Variants in ADGRV1 observed in about 807,000 individuals in gnomAD.
ADGRV1 encodes adhesion G protein-coupled receptor V1.
Under a neutral mutation model 596.2 loss-of-function variants are expected in ADGRV1, and 359 were observed. That is an observed-to-expected ratio of 0.60 (90% confidence interval 0.55 to 0.66). The LOEUF is 0.66. Among genes scored for constraint, ADGRV1 ranks in the 30% least tolerant of loss-of-function variants. The pLI, the probability that ADGRV1 is intolerant of heterozygous loss-of-function variation, is 0.00. For missense variants in ADGRV1, 7,274 were observed against 7,575.6 expected (o/e 0.96, Z 1.48); for synonymous variants, 2,681 against 2,679.2 (o/e 1.00, Z -0.02).
intron 83 of ADGRV1, among the ~76,000 whole-genome samples, chr5:90,898,180 A>G (rs543401585): frequency 6.6e-6 from 1 of 152,304 alleles, no homozygotes; most frequent in African/African-American, 2.4e-5. Flanking sequence ...ATGAAGTGTA[A>G]TATGAATTGC....
At chr5:90,765,954 G>C (rs1757075320) in intron 59 of ADGRV1, among the ~76,000 whole-genome samples, 1 of 151,408 alleles carries the variant, frequency 6.6e-6, no homozygotes, top group Non-Finnish European at 1.5e-5. Flanking sequence ...CTGTCACCCA[G>C]GCTGGAGTGC....
chr5:90,832,341 T>C (rs1298536252), intron 77 of ADGRV1, among the ~76,000 whole-genome samples: 1 of 152,202 alleles, frequency 6.6e-6, no homozygotes, highest in Admixed American at 6.5e-5. Flanking sequence ...TTTGCATTTC[T>C]TTCATGATTA....
intron 83 of ADGRV1, among the ~76,000 whole-genome samples, chr5:90,906,091 A>G (rs1229552607): frequency 6.6e-6 from 1 of 152,074 alleles, no homozygotes; most frequent in African/African-American, 2.4e-5. Flanking sequence ...CTTGACCATG[A>G]TGAATAATGT....
intron 87 of ADGRV1, among the ~76,000 whole-genome samples, chr5:91,109,162 C>T (rs776536391): frequency 3.3e-5 from 5 of 152,240 alleles, no homozygotes; most frequent in Middle Eastern, 3.4e-3. Context: ...CTTCTTTAAA[C>T]GATAAGGACT....
At chr5:90,680,530 G>A (rs1290299003) in intron 26 of ADGRV1, among the ~76,000 whole-genome samples, 1 of 152,030 alleles carries the variant, frequency 6.6e-6, no homozygotes, top group East Asian at 1.9e-4. Flanking sequence ...TATATGAAAA[G>A]CATACTTAGA....
chr5:91,046,946 C>G (rs1282166250), intron 85 of ADGRV1, among the ~76,000 whole-genome samples: 1 of 152,124 alleles, frequency 6.6e-6, no homozygotes, highest in East Asian at 1.9e-4. Flanking sequence ...CCGGGAAATG[C>G]AAACCAAAAC....
chr5:91,040,527 A>G (rs1785252258), intron 85 of ADGRV1, among the ~76,000 whole-genome samples: 1 of 152,184 alleles, frequency 6.6e-6, no homozygotes, highest in Non-Finnish European at 1.5e-5. Flanking sequence ...TGTTAATTAT[A>G]TATGTTTGGA....
chr5:90,703,900 C>T lies in ADGRV1; in HGVS notation c.8286+105C>T, dbSNP rs142360118. ...ACTATTGTAGTTATTATCTTTCTCT[C>T]TTCTCCAGACCTACTTCGTATGAAT... On this transcript the variant is annotated intron_variant, in intron 35 of 89. Coordinates refer to ENST00000405460, the MANE Select transcript of ADGRV1 (RefSeq NM_032119.4). The T allele has an allele frequency of 4.4e-4, 338 of 772,940 alleles. 1 individual carries two copies. The African/African-American group carries it at 4.7e-3, about 11-fold the overall frequency. The allele number at this position is 772,940 out of a possible 1,614,324, so 47.9% of individuals were successfully genotyped here. A position where few individuals can be genotyped will look rare whatever the true frequency, so the allele number is the denominator to read the frequency against.
intron 83 of ADGRV1, among the ~76,000 whole-genome samples, chr5:90,879,974 T>A (rs1288861364): frequency 1.3e-5 from 2 of 151,896 alleles, no homozygotes; most frequent in African/African-American, 4.8e-5. Flanking sequence ...TAATAATAAT[T>A]AATAATTATT....
chr5:90,720,309 G>C, intron 44 of ADGRV1, 86 bp downstream of exon 44: 1 of 871,256 alleles, frequency 1.1e-6, no homozygotes, highest in Non-Finnish European at 1.7e-6. Context: ...GAAGGAAATT[G>C]ATATCTGATT....
At position 90,711,010 on chromosome 5, in the gene ADGRV1, A is replaced by G; in HGVS notation, c.8854A>G (p.Ile2952Val). 6.2e-7 allele frequency: 1 copy of G among 1,610,976 alleles called. No homozygotes were observed. Among genetic ancestry groups the G allele is most frequent in the Non-Finnish European group, 8.5e-7 (1 of 1,178,042 alleles). The change falls in exon 40 of 90, where the codon ATT (isoleucine) becomes GTT (valine). Residue 2952 changes from isoleucine (I) to valine (V), a missense_variant. Ile to Val is a conservative substitution (Grantham distance 29). Transcript: ENST00000405460. ...DSEGLTAQVI[I>V]DANDGARGVI... ...AGAAGGTTTGACTGCACAAGTTATT[A>G]TTGATGCCAATGATGGGGCCCGAGG...
intron 75 of ADGRV1, among the ~76,000 whole-genome samples, chr5:90,817,868 TTTGGCTTAGGATTGCC>T (rs1264671206): frequency 6.6e-6 from 1 of 152,180 alleles, no homozygotes; most frequent in Non-Finnish European, 1.5e-5. Context: ...GCTTTGTTCT[TTTGGCTTAGGATTGCC>T]TTGGCGATGC....
At chr5:90,847,662 G>A (rs571009717) in intron 78 of ADGRV1, among the ~76,000 whole-genome samples, 16 of 152,308 alleles carry the variant, frequency 1.1e-4, no homozygotes, top group African/African-American at 3.1e-4. Flanking sequence ...GCCCTGCCCC[G>A]CAGGGAGGCA....
At chr5:90,844,001 G>C (rs1765651938) in intron 78 of ADGRV1, among the ~76,000 whole-genome samples, 1 of 152,184 alleles carries the variant, frequency 6.6e-6, no homozygotes, top group South Asian at 2.1e-4. Flanking sequence ...GGAATGCTCA[G>C]TTAAGTTTGA....
In ADGRV1 at chr5:90,745,748, A is replaced by G. The variant is rs778499194; in HGVS notation, c.10927A>G (p.Thr3643Ala). 14 of 1,612,238 alleles carry G rather than the reference A, an allele frequency of 8.7e-6. No homozygotes were observed. The highest frequency in any genetic ancestry group is 1.1e-5 in the Non-Finnish European group (13 of 1,178,940). Residue 3643 changes from threonine (T) to alanine (A), a missense_variant, in exon 52 of 90, where the codon ACC becomes GCC. Physicochemically the swap from Thr to Ala is moderately conservative, Grantham distance 58. Transcript: ENST00000405460. ...TGGCATTAATGATTCTGTAACAATA[A>G]CCATTCTGTCTAATGATGATGCCTA... ...EIGINDSVTI[T>A]ILSNDDAYGI...
intron 86 of ADGRV1, 80 bp from the exon 87 acceptor site, chr5:91,102,139 A>G: frequency 7.2e-7 from 1 of 1,392,336 alleles, no homozygotes; most frequent in Non-Finnish European, 9.7e-7. Context: ...AATACCACAG[A>G]AAGAAGCCAA....
At chr5:90,641,596 T>G (rs993827472) in intron 11 of ADGRV1, among the ~76,000 whole-genome samples, 1 of 152,208 alleles carries the variant, frequency 6.6e-6, no homozygotes, top group Non-Finnish European at 1.5e-5. Flanking sequence ...GACTATTCTG[T>G]GGCCACTAGC....
intron 37 of ADGRV1, 133 bp from the exon 38 acceptor site, chr5:90,706,098 G>A: frequency 1.5e-6 from 1 of 657,422 alleles, no homozygotes; most frequent in Non-Finnish European, 2.5e-6. Context: ...TATGGATATA[G>A]GAAGGGGTGA....
chr5:90,811,092 G>T lies in ADGRV1; in HGVS notation c.15832G>T (p.Gly5278Cys), dbSNP rs201349209. 60 of 1,613,722 alleles carry T rather than the reference G, an allele frequency of 3.7e-5. 1 individual carries two copies. The South Asian group carries it at 5.6e-4, about 15-fold the overall frequency. The part of the protein sequence containing the change: ...QMEPNALPFR[G>C]IYGISNLTWA... ...GGAACCAAATGCATTGCCCTTTCGT[G>T]GTATCTATGGGATTTCCAACCTAAC... The change falls in exon 74 of 90, where the codon GGT becomes TGT. Residue 5278 changes from glycine to cysteine, a missense_variant. Physicochemically the swap from Gly to Cys is radical, Grantham distance 159 (BLOSUM62 -3). This residue lies in a region of ADGRV1 where 1,874 missense variants were observed against 1,970.2 expected (regional missense o/e 0.95). Transcript: ENST00000405460.
Sources: gnomAD v4.1 joint callset for allele counts (sites outside exome capture counted in the v4.1 genomes callset) on GRCh38, gnomAD v4.1.1 for gene constraint, gnomAD v4.1.1 regional missense constraint, MANE v1.5 for transcripts, NCBI Gene and HGNC (gene_info 2026-07-23, HGNC 2026-07-21) for gene names.